Variants in EFCAB8 observed in about 807,000 individuals in gnomAD.
EFCAB8 encodes EF-hand calcium-binding domain-containing protein 8.
In EFCAB8, 100 loss-of-function variants were observed where a neutral mutation model predicts 116.3. The ratio of observed to expected loss-of-function variants is 0.86; its 90% CI spans 0.73 to 1.02. The LOEUF (loss-of-function observed/expected upper bound fraction) is 1.02, where lower values mean the gene tolerates loss of function less well. Ranked by LOEUF, EFCAB8 falls within the 50% of genes least tolerant of loss-of-function variation. The pLI is 0.00. For synonymous variants in EFCAB8, 558 were observed against 567.9 expected (o/e 0.98, Z 0.25); for missense variants, 1,320 against 1,416.9 (o/e 0.93, Z 1.10).
At position 32,911,576 on chromosome 20, in the gene EFCAB8, G is replaced by A. The variant is rs754073281; in HGVS notation, c.1654G>A (p.Glu552Lys). 1 of 1,547,748 alleles carries A rather than the reference G, an allele frequency of 6.5e-7. No homozygotes were observed. Among genetic ancestry groups the A allele is most frequent in the Non-Finnish European group, 8.7e-7 (1 of 1,143,984 alleles). Residue 552 changes from glutamate (E) to lysine (K), a missense_variant, in exon 16 of 27, where the codon GAG (glutamate) becomes AAG (lysine). Glu to Lys is a moderately conservative substitution (Grantham distance 56, BLOSUM62 1). Transcript: ENST00000400522. ...EFAVSGGQHV[E>K]MTAMALDESE... ...TGCTGTGTCTGGGGGCCAGCACGTG[G>A]AGATGACCGCCATGGCCCTGGATGA...
At chr20:32,892,405 T>C in intron 8 of EFCAB8, 108 bp downstream of exon 8, 1 of 906,044 alleles carries the variant, frequency 1.1e-6, no homozygotes, top group Non-Finnish European at 1.7e-6. Flanking sequence ...CTTGGAAAGA[T>C]CTGGAAATAT....
At chr20:32,959,653 C>A in intron 24 of EFCAB8, 125 bp from the exon 25 acceptor site, 1 of 710,258 alleles carries the variant, frequency 1.4e-6, no homozygotes, top group Non-Finnish European at 2.3e-6. Flanking sequence ...GGGAGTCTGG[C>A]CTGAGGGAGG....
At chr20:32,862,287 C>T (rs1365369304) in intron 1 of EFCAB8, among the ~76,000 whole-genome samples, 1 of 151,982 alleles carries the variant, frequency 6.6e-6, no homozygotes, top group Non-Finnish European at 1.5e-5. Context: ...TGTGCCACCA[C>T]ACCTGGCTAA....
chr20:32,951,199 A>C (rs1988786387), intron 23 of EFCAB8, among the ~76,000 whole-genome samples: 1 of 152,214 alleles, frequency 6.6e-6, no homozygotes, highest in African/African-American at 2.4e-5. Context: ...ACTTCTATGA[A>C]AGCATATGCC....
At chr20:32,951,554 C>A in intron 23 of EFCAB8, among the ~76,000 whole-genome samples, 1 of 152,058 alleles carries the variant, frequency 6.6e-6, no homozygotes, top group Non-Finnish European at 1.5e-5. Context: ...GGATAGGGGG[C>A]TGATGAGGGT....
At chr20:32,925,924 G>T (rs1987651149) in intron 20 of EFCAB8, among the ~76,000 whole-genome samples, 1 of 152,240 alleles carries the variant, frequency 6.6e-6, no homozygotes, top group African/African-American at 2.4e-5. Flanking sequence ...GGATGGGGCT[G>T]GATGCAGAGT....
intron 1 of EFCAB8, among the ~76,000 whole-genome samples, chr20:32,859,537 G>C (rs1310201746): frequency 6.6e-6 from 1 of 152,002 alleles, no homozygotes; most frequent in Non-Finnish European, 1.5e-5. Context: ...AACATACATA[G>C]AACCACTTTC....
At chr20:32,897,877 C>T (rs534812170) in intron 10 of EFCAB8, among the ~76,000 whole-genome samples, 1 of 152,274 alleles carries the variant, frequency 6.6e-6, no homozygotes, top group South Asian at 2.1e-4. Flanking sequence ...ATTTGATGAG[C>T]CAATCTCTCC....
At chr20:32,898,243 C>A in intron 10 of EFCAB8, 1 of 426,002 alleles carries the variant, frequency 2.3e-6, no homozygotes, top group African/African-American at 2.0e-5. Flanking sequence ...CATCCTCTAA[C>A]TCACAAGATT....
At chr20:32,861,561 G>T (rs1024629900) in intron 1 of EFCAB8, among the ~76,000 whole-genome samples, 3 of 152,122 alleles carry the variant, frequency 2.0e-5, no homozygotes, top group Non-Finnish European at 4.4e-5. Context: ...AGTGCTAGAA[G>T]TACAGATGTG....
intron 8 of EFCAB8, among the ~76,000 whole-genome samples, 178 bp downstream of exon 8, chr20:32,892,475 G>A (rs1985966069): frequency 1.3e-5 from 2 of 152,002 alleles, no homozygotes; most frequent in Non-Finnish European, 2.9e-5. Context: ...TCTCTCTCAG[G>A]GTCACCTCTC....
intron 3 of EFCAB8, 84 bp downstream of exon 3, chr20:32,867,831 A>G: frequency 1.4e-6 from 2 of 1,417,240 alleles, no homozygotes; most frequent in East Asian, 2.5e-5. Context: ...GAGGGTTCAG[A>G]CATAATAAGC....
chr20:32,961,070 C>T (rs534828926), intron 26 of EFCAB8, 66 bp from the exon 27 acceptor site: 1 of 1,413,702 alleles, frequency 7.1e-7, no homozygotes, highest in Admixed American at 2.0e-5. Flanking sequence ...TGAGTCTACT[C>T]TTGATCCTGG....
chr20:32,943,217 T>G (rs1454832489), intron 22 of EFCAB8, among the ~76,000 whole-genome samples: 4 of 152,214 alleles, frequency 2.6e-5, no homozygotes, highest in Non-Finnish European at 5.9e-5. Flanking sequence ...TATGTGGGCT[T>G]AGGCTAGTTA....
Position 32,959,856 on chromosome 20 carries a change from G to A in EFCAB8, c.3168G>A (p.Lys1056=), listed in dbSNP as rs1453069056. Residue 1056 remains lysine, a synonymous_variant, in exon 25 of 27, where the codon AAG becomes AAA. Transcript: ENST00000400522. The part of the protein sequence containing the change: ...QAALMALLHG[K]ADKEADTWAK... Reference sequence around the variant, plus strand: ...CGCTGATGGCTCTCCTGCATGGGAAGGCAGATAAGGAGGCAGACACTTGGG... The same window carrying A: ...CGCTGATGGCTCTCCTGCATGGGAAAGCAGATAAGGAGGCAGACACTTGGG... The A allele has an allele frequency of 6.5e-7, 1 of 1,550,058 alleles. No individual in the cohort carries two copies. The highest frequency in any genetic ancestry group is 8.7e-7 in the Non-Finnish European group (1 of 1,145,980).
intron 20 of EFCAB8, among the ~76,000 whole-genome samples, chr20:32,926,583 A>G (rs1431402062): frequency 1.3e-5 from 2 of 150,512 alleles, no homozygotes; most frequent in Admixed American, 6.6e-5. Flanking sequence ...ATATGTATAC[A>G]TGTGCCATGC....
chr20:32,952,764 T>C (rs879228988), intron 23 of EFCAB8, among the ~76,000 whole-genome samples: 1 of 152,230 alleles, frequency 6.6e-6, no homozygotes, highest in African/African-American at 2.4e-5. Context: ...CAGAAATTTT[T>C]AATTTTGCTG....
chr20:32,864,538 C>T (rs1031634402), intron 2 of EFCAB8, among the ~76,000 whole-genome samples: 4 of 152,062 alleles, frequency 2.6e-5, no homozygotes, highest in African/African-American at 9.7e-5. Context: ...GCCATGATCT[C>T]GCCATTGCAC....
chr20:32,946,263 G>A (rs537007335), intron 23 of EFCAB8, among the ~76,000 whole-genome samples: 26 of 152,352 alleles, frequency 1.7e-4, no homozygotes, highest in African/African-American at 6.0e-4. Flanking sequence ...CATGTTGGAT[G>A]TACATCTCAG....
Sources: gnomAD v4.1 joint callset for allele counts (sites outside exome capture counted in the v4.1 genomes callset) on GRCh38, gnomAD v4.1.1 for gene constraint, MANE v1.5 for transcripts, NCBI Gene and HGNC (gene_info 2026-07-23, HGNC 2026-07-21) for gene names.